Variants in NCKAP5 observed in about 807,000 individuals in gnomAD.
NCKAP5 encodes the protein nck-associated protein 5.
NCKAP5 carries 92 observed loss-of-function variants against 167.0 expected under a neutral mutation model. The ratio of observed to expected loss-of-function variants is 0.55; its 90% CI spans 0.47 to 0.66. NCKAP5 has a LOEUF of 0.66. NCKAP5 is among the 30% of genes least tolerant of loss of function. NCKAP5 has a pLI of 0.00. For synonymous variants in NCKAP5, 891 were observed against 877.4 expected (o/e 1.02, Z -0.27); for missense variants, 2,378 against 2,315.0 (o/e 1.03, Z -0.56).
At chr2:133,547,637 G>C (rs184774365) in intron 2 of NCKAP5, among the ~76,000 whole-genome samples, 1 of 151,286 alleles carries the variant, frequency 6.6e-6, no homozygotes, top group African/African-American at 2.4e-5. Flanking sequence ...TCACACGGCA[G>C]GGTATTCCAA....
chr2:133,587,819 G>GTTTGA, the NCKAP5 span, among the ~76,000 whole-genome samples: 1 of 152,164 alleles, frequency 6.6e-6, no homozygotes, highest in Non-Finnish European at 1.5e-5. Flanking sequence ...CAAGAAAGAA[G>GTTTGA]TTTGATTTGA....
At chr2:133,326,995 T>C (rs1276163852) in intron 3 of NCKAP5, among the ~76,000 whole-genome samples, 1 of 152,208 alleles carries the variant, frequency 6.6e-6, no homozygotes, top group Non-Finnish European at 1.5e-5. Flanking sequence ...AGCAGGAATG[T>C]AGACCTCAGT....
intron 6 of NCKAP5, among the ~76,000 whole-genome samples, chr2:133,071,875 C>A (rs1290873732): frequency 1.3e-5 from 2 of 152,136 alleles, no homozygotes; most frequent in African/African-American, 4.8e-5. Flanking sequence ...AGGAGCCAAC[C>A]TACCTGTTTC....
At chr2:133,303,829 T>C (rs939076460) in intron 3 of NCKAP5, among the ~76,000 whole-genome samples, 13 of 152,182 alleles carry the variant, frequency 8.5e-5, no homozygotes, top group African/African-American at 3.1e-4. Context: ...ATCCATAGGT[T>C]ATTACAATGG....
rs1300839279 is a variant in NCKAP5 at position 132,731,913 on chromosome 2, G to A, written c.5267C>T (p.Ser1756Leu). 2.5e-6 allele frequency: 4 copies of A among 1,613,938 alleles called. No homozygotes were observed. The highest frequency in any genetic ancestry group is 3.4e-6 in the Non-Finnish European group (4 of 1,179,876). ...CATGGAAGAAACTGCAGAAAGGGCT[G>A]ACTGGAGAGGCAGGAGAGGCTCAGC... ...EDAEPLLPLQ[S>L]ALSAVSSMRA... The change falls in exon 17 of 20, where the codon TCA becomes TTA. Residue 1756 changes from serine to leucine, a missense_variant. Around this residue, in one of 3 missense-constraint regions of NCKAP5, gnomAD observed 1,325 missense variants for 1,274.5 expected, o/e 1.04. Transcript: ENST00000409261.
intron 3 of NCKAP5, among the ~76,000 whole-genome samples, chr2:133,504,388 G>T (rs1002236502): frequency 1.3e-3 from 37 of 27,682 alleles, no homozygotes; most frequent in Non-Finnish European, 7.7e-4. Flanking sequence ...CTATAGCTCA[G>T]TTTAGCACTT....
chr2:132,853,946 C>T (rs1349699654), intron 11 of NCKAP5, among the ~76,000 whole-genome samples: 1 of 152,202 alleles, frequency 6.6e-6, no homozygotes, highest in Non-Finnish European at 1.5e-5. Context: ...CTCCCTTCTG[C>T]TCTTCCCTCC....
At chr2:132,808,038 G>C (rs2105244691) in intron 11 of NCKAP5, among the ~76,000 whole-genome samples, 1 of 152,106 alleles carries the variant, frequency 6.6e-6, no homozygotes, top group South Asian at 2.1e-4. Flanking sequence ...TTTTAATTCT[G>C]TTTATGTGCT....
At chr2:132,728,515 A>G (rs1690681193) in intron 18 of NCKAP5, among the ~76,000 whole-genome samples, 1 of 152,156 alleles carries the variant, frequency 6.6e-6, no homozygotes, top group South Asian at 2.1e-4. Flanking sequence ...TGGCGCCCAC[A>G]TGGCTTGGGA....
intron 8 of NCKAP5, among the ~76,000 whole-genome samples, chr2:132,909,555 G>T (rs942251900): frequency 6.6e-6 from 1 of 152,052 alleles, no homozygotes; most frequent in African/African-American, 2.4e-5. Context: ...ATCGACAATG[G>T]TTCTGAGATA....
chr2:133,217,404 C>A (rs1373965913), intron 4 of NCKAP5, among the ~76,000 whole-genome samples: 2 of 152,006 alleles, frequency 1.3e-5, no homozygotes, highest in East Asian at 3.9e-4. Flanking sequence ...TACCTGAATT[C>A]ACTTGCCACA....
chr2:132,984,646 G>C (rs1447448482), intron 7 of NCKAP5, among the ~76,000 whole-genome samples: 1 of 151,994 alleles, frequency 6.6e-6, no homozygotes, highest in East Asian at 1.9e-4. Context: ...AGTAATGAAA[G>C]TGTATGTTTT....
At chr2:133,379,339 G>A (rs1420795368) in intron 3 of NCKAP5, among the ~76,000 whole-genome samples, 2 of 151,928 alleles carry the variant, frequency 1.3e-5, no homozygotes, top group African/African-American at 2.4e-5. Context: ...AATCATTCTC[G>A]GAGAGACAAT....
At chr2:133,221,354 T>G (rs1206530732) in intron 4 of NCKAP5, among the ~76,000 whole-genome samples, 1 of 152,030 alleles carries the variant, frequency 6.6e-6, no homozygotes, top group East Asian at 1.9e-4. Context: ...ATAAAGTATT[T>G]AAAACTTACT....
intron 19 of NCKAP5, among the ~76,000 whole-genome samples, chr2:132,678,823 C>A (rs1227397404): frequency 6.6e-6 from 1 of 152,158 alleles, no homozygotes; most frequent in Non-Finnish European, 1.5e-5. Context: ...CTGTGTATTA[C>A]CCCAGGTTTT....
intron 10 of NCKAP5, among the ~76,000 whole-genome samples, chr2:132,865,442 G>A (rs1246436812): frequency 6.6e-6 from 1 of 152,138 alleles, no homozygotes; most frequent in Non-Finnish European, 1.5e-5. Flanking sequence ...GGGAATTTGG[G>A]AGTTAAAAAT....
At chr2:133,051,710 A>G (rs1401141973) in intron 6 of NCKAP5, among the ~76,000 whole-genome samples, 1 of 152,248 alleles carries the variant, frequency 6.6e-6, no homozygotes, top group Non-Finnish European at 1.5e-5. Context: ...GAATAAAATC[A>G]TCTGCTATGC....
At chr2:133,565,186 A>C (rs1228397614) in intron 1 of NCKAP5, among the ~76,000 whole-genome samples, 1 of 152,144 alleles carries the variant, frequency 6.6e-6, no homozygotes, top group East Asian at 1.9e-4. Context: ...AGTAATAGAG[A>C]GCAGCTCCTG....
intron 5 of NCKAP5, among the ~76,000 whole-genome samples, chr2:133,208,237 G>A (rs2086048479): frequency 6.6e-6 from 1 of 152,120 alleles, no homozygotes; most frequent in Non-Finnish European, 1.5e-5. Flanking sequence ...TACTCAGGAA[G>A]CTGAGGTGGT....
Sources: allele counts gnomAD v4.1 joint callset (sites outside exome capture counted in the v4.1 genomes callset), GRCh38; gene constraint gnomAD v4.1.1; regional missense constraint gnomAD v4.1.1; transcripts MANE v1.5; gene names NCBI Gene and HGNC (gene_info 2026-07-23, HGNC 2026-07-21).